RANGAP1: variants seen among roughly 807,000 people sequenced by gnomAD.
The protein encoded by RANGAP1 is ran GTPase-activating protein 1.
In RANGAP1, 38 loss-of-function variants were observed where a neutral mutation model predicts 63.5. The observed-to-expected ratio is 0.60, with a 90% confidence interval of 0.46 to 0.78. The LOEUF (loss-of-function observed/expected upper bound fraction) is 0.78, where lower values mean the gene tolerates loss of function less well. RANGAP1 is among the 30% of genes least tolerant of loss of function. RANGAP1 has a pLI of 0.00. For synonymous variants in RANGAP1, 329 were observed against 310.5 expected, an observed-to-expected ratio of 1.06 and a Z score of -0.63; for missense variants, 630 against 740.3, an observed-to-expected ratio of 0.85 and a Z score of 1.73.
In RANGAP1 at chr22:41,256,796, A is replaced by T. The variant is rs753340998; in HGVS notation, c.803T>A (p.Val268Glu). The T allele has an allele frequency of 3.1e-6, 5 of 1,590,178 alleles. No individual in the cohort carries two copies. In the Admixed American group the frequency reaches 5.3e-5, roughly 17 times the overall value. The change falls in exon 8 of 16, where the codon GTG becomes GAG. Residue 268 changes from valine (V) to glutamate (E), a missense_variant. Physicochemically the swap from Val to Glu is moderately radical, Grantham distance 121. This residue lies in a region of RANGAP1 where 428 missense variants were observed against 465.5 expected (regional missense o/e 0.92). Coordinates refer to ENST00000356244, the MANE Select transcript of RANGAP1 (RefSeq NM_002883.4). ...ETLKTLRQVEVINFGDCLVRS... is the reference protein window; with the variant it reads ...ETLKTLRQVEEINFGDCLVRS... ...CACCAGGCAGTCCCCAAAATTAATCACCTCCACCTGCCGCAAGGTCTTCAA... is the reference window on the plus strand; with the variant it reads ...CACCAGGCAGTCCCCAAAATTAATCTCCTCCACCTGCCGCAAGGTCTTCAA...
chr22:41,256,180 C>A lies in RANGAP1; in HGVS notation c.988+11G>T, dbSNP rs756539817. The stretch of plus-strand genomic sequence containing the variant: ...AGCAGACCTGTGCAGAGGCCTCCCC[C>A]ATCCGACTACCATTCAGGTCCAGCT... On this transcript the variant is annotated intron_variant, in intron 9 of 15. Transcript: ENST00000356244. 7 of 1,613,970 alleles carry A rather than the reference C, an allele frequency of 4.3e-6. No homozygotes were observed. The highest frequency in any genetic ancestry group is 4.5e-5 in the East Asian group (2 of 44,902).
chr22:41,261,835 C>G (rs1428777412), intron 5 of RANGAP1, among the ~76,000 whole-genome samples: 1 of 152,164 alleles, frequency 6.6e-6, no homozygotes, highest in African/African-American at 2.4e-5. Context: ...GAGACCAAGC[C>G]CTACTCAGGA....
chr22:41,273,939 G>A (rs2034990065), intron 3 of RANGAP1, among the ~76,000 whole-genome samples: 1 of 152,048 alleles, frequency 6.6e-6, no homozygotes, highest in Non-Finnish European at 1.5e-5. Context: ...TTAGCCGGGA[G>A]TGGTGGTGGG....
chr22:41,294,709 G>A, the RANGAP1 span, among the ~76,000 whole-genome samples: 7 of 139,800 alleles, frequency 5.0e-5, no homozygotes, highest in African/African-American at 1.9e-4. Flanking sequence ...CTGCCACCCC[G>A]TCCGGGATGT....
chr22:41,296,533 G>A, the RANGAP1 span, among the ~76,000 whole-genome samples: 2 of 151,822 alleles, frequency 1.3e-5, no homozygotes, highest in Non-Finnish European at 2.9e-5. Context: ...TATAATCCCA[G>A]CAACTCAGGA....
chr22:41,281,556 C>T (rs2145850079), intron 1 of RANGAP1: 1 of 988,898 alleles, frequency 1.0e-6, no homozygotes, highest in Non-Finnish European at 1.2e-6. Context: ...GAGAATGCCC[C>T]ACCACCCACG....
At chr22:41,283,520 T>TAAC (rs200950917) in intron 1 of RANGAP1, among the ~76,000 whole-genome samples, 1,518 of 151,204 alleles carry the variant, frequency 0.01, 69 homozygotes, top group Admixed American at 0.081. Context: ...AACAAACAAA[T>TAAC]AACAACAACA....
chr22:41,249,591 GCAGA>G, intron 14 of RANGAP1, 134 bp downstream of exon 14: 1 of 1,524,652 alleles, frequency 6.6e-7, no homozygotes, highest in Middle Eastern at 1.7e-4. Context: ...GGCTGCTGGG[GCAGA>G]CCCAGGCCTC....
chr22:41,296,662 A>AC, the RANGAP1 span, among the ~76,000 whole-genome samples: 53 of 152,046 alleles, frequency 3.5e-4, no homozygotes, highest in Admixed American at 1.4e-3. Context: ...AAAAAAAAAA[A>AC]ACACACACAC....
chr22:41,288,824 G>A (rs2035802976), upstream of RANGAP1, among the ~76,000 whole-genome samples: 1 of 151,868 alleles, frequency 6.6e-6, no homozygotes, highest in Non-Finnish European at 1.5e-5. Flanking sequence ...GAGAGTGGAT[G>A]TTCTGCCTGA....
At chr22:41,299,219 A>G in the RANGAP1 span, among the ~76,000 whole-genome samples, 1 of 151,252 alleles carries the variant, frequency 6.6e-6, no homozygotes, top group Non-Finnish European at 1.5e-5. Flanking sequence ...TGTAACCTCT[A>G]CTTCCCAGGT....
chr22:41,260,307 G>A (rs2034091072), intron 6 of RANGAP1, among the ~76,000 whole-genome samples: 1 of 152,152 alleles, frequency 6.6e-6, no homozygotes, highest in South Asian at 2.1e-4. Flanking sequence ...AGTGCACTGA[G>A]GACAGCAGGC....
chr22:41,257,085 C>T lies in RANGAP1; in HGVS notation c.775-261G>A, dbSNP rs949741218. ...CTGCTGAGCATCCGGGTCTTCCACACGTAAGCTGATCCCTCTGCCTGAAAC... is the reference window on the plus strand; with the variant it reads ...CTGCTGAGCATCCGGGTCTTCCACATGTAAGCTGATCCCTCTGCCTGAAAC... On this transcript the variant is annotated intron_variant, in intron 7 of 15. Transcript: ENST00000356244. The surrounding 1 kb of genome is among the most constrained non-coding windows in gnomAD (Gnocchi z 4.0). Among the ~76,000 whole-genome samples, 1 of 152,072 alleles carries T rather than the reference C, an allele frequency of 6.6e-6. No individual in the cohort carries two copies. The highest frequency in any genetic ancestry group is 6.6e-5 in the Admixed American group (1 of 15,262).
chr22:41,278,640 T>C (rs1446720824), intron 2 of RANGAP1, among the ~76,000 whole-genome samples: 1 of 152,256 alleles, frequency 6.6e-6, no homozygotes, highest in East Asian at 1.9e-4. Context: ...CTGCTATTTA[T>C]CAAATGTGTG....
chr22:41,278,881 G>C (rs1233821304), intron 2 of RANGAP1, among the ~76,000 whole-genome samples: 1 of 152,190 alleles, frequency 6.6e-6, no homozygotes, highest in East Asian at 1.9e-4. Flanking sequence ...GCTCACGCCT[G>C]TAATCCCAAC....
chr22:41,281,290 T>C (rs1487627885), intron 1 of RANGAP1: 1 of 767,474 alleles, frequency 1.3e-6, no homozygotes, highest in East Asian at 4.0e-5. Flanking sequence ...AGAAAAATCA[T>C]GTCTTAGCCT....
chr22:41,266,888 C>CT (rs139523), intron 4 of RANGAP1, among the ~76,000 whole-genome samples: 18 of 137,174 alleles, frequency 1.3e-4, no homozygotes, highest in African/African-American at 4.1e-4. Flanking sequence ...AATGAATTTC[C>CT]TTTTTTTTTT....
Position 41,264,808 on chromosome 22 carries a change from A to G in RANGAP1, c.336T>C (p.Ala112=). The change falls in exon 5 of 16, where the codon GCT becomes GCC. Residue 112 remains alanine, a synonymous_variant. Transcript: ENST00000356244. ...SLGEGLITAG[A]QLVELDLSDN... ...CGCTTAAGTCCAGCTCCACCAGCTG[A>G]GCCCCAGCTGTGATGAGTCCTTCCC... The G allele has an allele frequency of 6.2e-7, 1 of 1,613,344 alleles. No homozygotes were observed. The highest frequency in any genetic ancestry group is 8.5e-7 in the Non-Finnish European group (1 of 1,179,304).
At chr22:41,300,769 C>A in the RANGAP1 span, among the ~76,000 whole-genome samples, 1 of 152,060 alleles carries the variant, frequency 6.6e-6, no homozygotes, top group Non-Finnish European at 1.5e-5. Context: ...CTGCACCCAG[C>A]CCTGATTGTC....
Sources: allele counts gnomAD v4.1 joint callset (sites outside exome capture counted in the v4.1 genomes callset), GRCh38; gene constraint gnomAD v4.1.1; regional missense constraint gnomAD v4.1.1; non-coding constraint Gnocchi (gnomAD v3.1); transcripts MANE v1.5; gene names NCBI Gene and HGNC (gene_info 2026-07-23, HGNC 2026-07-21).